Variants in PPM1G observed in about 807,000 individuals in gnomAD.
The protein encoded by PPM1G is protein phosphatase, Mg2+/Mn2+ dependent 1G, also known as protein phosphatase 1G.
In PPM1G, 12 loss-of-function variants were observed where a neutral mutation model predicts 59.4. The observed-to-expected ratio is 0.20, with a 90% CI of 0.13 to 0.33. The LOEUF (loss-of-function observed/expected upper bound fraction) is 0.33. PPM1G is among the 10% of genes least tolerant of loss of function. PPM1G has a pLI of 1.00. For synonymous variants in PPM1G, 245 were observed against 251.9 expected (o/e 0.97, Z 0.26); for missense variants, 392 against 681.3 (o/e 0.58, Z 4.73).
chr2:27,393,383 G>A lies in PPM1G; in HGVS notation c.121-6225C>T. Reference sequence around the variant, plus strand: ...CGGTCGTCATGCCGGCGACTAAGGAGAGGCGGCGGCAGCGGCAGTGGTGGC... The same window carrying A: ...CGGTCGTCATGCCGGCGACTAAGGAAAGGCGGCGGCAGCGGCAGTGGTGGC... On this transcript the variant is annotated intron_variant, in intron 1 of 9. Transcript: ENST00000344034. 8 of 1,503,640 alleles carry A rather than the reference G, an allele frequency of 5.3e-6. No homozygotes were observed. In the South Asian group the frequency reaches 9.1e-5, roughly 17 times the overall value. 93.1% of individuals were successfully genotyped at this position (1,503,640 alleles called of 1,614,324 possible). A position where few individuals can be genotyped will look rare whatever the true frequency, so the allele number is the denominator to read the frequency against.
chr2:27,383,721 G>A lies in PPM1G; in HGVS notation c.967-121C>T, dbSNP rs1255302758. The A allele has an allele frequency of 8.6e-7, 1 of 1,162,872 alleles. No individual in the cohort carries two copies. The highest frequency in any genetic ancestry group is 1.2e-6 in the Non-Finnish European group (1 of 829,620). The allele number at this position is 1,162,872 out of a possible 1,614,324, so 72.0% of individuals were successfully genotyped here. ...ACCCCCAAAAGAGCTTTAACAAACA[G>A]GAGAAGCACACATTTCATCTTTCTA... On this transcript the variant is annotated intron_variant, in intron 6 of 9. Coordinates refer to ENST00000344034, the MANE Select transcript of PPM1G (RefSeq NM_177983.3). This position sits in a 1 kb window ranked among gnomAD's most constrained non-coding sequence, Gnocchi z 5.0.
intron 1 of PPM1G, among the ~76,000 whole-genome samples, chr2:27,404,710 C>T (rs969781618): frequency 2.0e-5 from 3 of 151,584 alleles, no homozygotes; most frequent in Non-Finnish European, 2.9e-5. Context: ...TTTGGGAGGC[C>T]GAGGCGGGCG....
rs1432078305 is a variant in PPM1G, at chr2:27,383,626, T to C, written c.967-26A>G. The stretch of plus-strand genomic sequence containing the variant: ...CTTAAGAGGAAGAAAAGGAGCATCA[T>C]GGGGGCTTCTGAACATGCGTTCCTC... On this transcript the variant is annotated intron_variant, in intron 6 of 9. Coordinates refer to ENST00000344034, the MANE Select transcript of PPM1G (RefSeq NM_177983.3). This position sits in a 1 kb window ranked among gnomAD's most constrained non-coding sequence, Gnocchi z 5.0. 4.4e-6 allele frequency: 7 copies of C among 1,581,758 alleles called. No individual in the cohort carries two copies. The African/African-American group carries it at 6.7e-5, about 15-fold the overall frequency.
chr2:27,409,223 GGAGGACCC>G, intron 1 of PPM1G, 72 bp downstream of exon 1: 1 of 1,487,358 alleles, frequency 6.7e-7, no homozygotes, highest in Admixed American at 2.3e-5. Flanking sequence ...CCTTCCCAGG[GGAGGACCC>G]CATCCCCCGC....
At position 27,385,496 on chromosome 2, in the gene PPM1G, C is replaced by A; in HGVS notation, c.409+251G>T. On this transcript the variant is annotated intron_variant, in intron 4 of 9. Coordinates refer to ENST00000344034, the MANE Select transcript of PPM1G (RefSeq NM_177983.3). This position sits in a 1 kb window ranked among gnomAD's most constrained non-coding sequence, Gnocchi z 4.1. ...AAAAGCACATAAATACTAGCAGGAACCAGGAAGACCCCATCACAATGACAA... is the reference window on the plus strand; with the variant it reads ...AAAAGCACATAAATACTAGCAGGAAACAGGAAGACCCCATCACAATGACAA... The A allele has an allele frequency of 2.1e-6, 1 of 481,118 alleles. No homozygotes were observed. Among genetic ancestry groups the A allele is most frequent in the South Asian group, 3.8e-5 (1 of 26,638 alleles). 29.8% of individuals were successfully genotyped at this position (481,118 alleles called of 1,614,324 possible).
intron 1 of PPM1G, among the ~76,000 whole-genome samples, chr2:27,400,312 G>A (rs1342406164): frequency 6.6e-6 from 1 of 152,186 alleles, no homozygotes; most frequent in Non-Finnish European, 1.5e-5. Flanking sequence ...TGAGGCAGGA[G>A]AATCGCTTTA....
chr2:27,397,116 G>A (rs1002638689), intron 1 of PPM1G, among the ~76,000 whole-genome samples: 7 of 151,912 alleles, frequency 4.6e-5, no homozygotes, highest in African/African-American at 9.7e-5. Flanking sequence ...TGATTCACCC[G>A]TCTTGGCCCC....
At chr2:27,409,041 G>C (rs1260528789) in intron 1 of PPM1G, among the ~76,000 whole-genome samples, 1 of 152,192 alleles carries the variant, frequency 6.6e-6, no homozygotes. Flanking sequence ...CCAAAGCTCG[G>C]GGAGAGGGCG....
In PPM1G at chr2:27,381,739, T is replaced by C; in HGVS notation, c.1501A>G (p.Ile501Val). 6.2e-7 allele frequency: 1 copy of C among 1,613,860 alleles called. No homozygotes were observed. Among genetic ancestry groups the C allele is most frequent in the Non-Finnish European group, 8.5e-7 (1 of 1,180,018 alleles). The change falls in exon 10 of 10, where the codon ATC becomes GTC. Residue 501 changes from isoleucine to valine, a missense_variant. By Grantham distance (29) the Ile-to-Val change is conservative. Around this residue, in one of 6 missense-constraint regions of PPM1G, gnomAD observed 5 missense variants for 28.8 expected, o/e 0.17. Transcript: ENST00000344034. The part of the protein sequence containing the change: ...DGTGCDNMTC[I>V]IICFKPRNTA... ...TTTCGGGGCTTGAAGCAAATGATGA[T>C]GCAGGTCATGTTGTCACACCCTGTA...
Position 27,381,507 on chromosome 2 carries a change from C to T in PPM1G, c.*92G>A. ...CCAGCTCCCCCTGCACACCTCATAC[C>T]CACTGCTAAGGCTAAAGGAAAAAGA... On this transcript the variant is annotated 3_prime_UTR_variant, in exon 10 of 10. Coordinates refer to ENST00000344034, the MANE Select transcript of PPM1G (RefSeq NM_177983.3). The T allele has an allele frequency of 6.8e-7, 1 of 1,462,534 alleles. No individual in the cohort carries two copies. The highest frequency in any genetic ancestry group is 9.5e-7 in the Non-Finnish European group (1 of 1,048,930). The allele number at this position is 1,462,534 out of a possible 1,614,324, so 90.6% of individuals were successfully genotyped here. A position where few individuals can be genotyped will look rare whatever the true frequency, so the allele number is the denominator to read the frequency against.
chr2:27,386,313 C>G, intron 2 of PPM1G, 34 bp from the exon 3 acceptor site: 1 of 1,412,898 alleles, frequency 7.1e-7, no homozygotes, highest in Non-Finnish European at 1.0e-6. Flanking sequence ...ACCTGGAGCA[C>G]TGCTCCCCAC....
In PPM1G at chr2:27,403,395, G is replaced by A. The variant is rs376691678; in HGVS notation, c.120+5908C>T. 1.3e-3 allele frequency among the ~76,000 whole-genome samples: 196 copies of A among 151,626 alleles called. 3 individuals are homozygous for A. The highest frequency in any genetic ancestry group is 0.01 in the Middle Eastern group (3 of 290). ...CAGGAGGCAGAAGCTGCAGTGAGCC[G>A]AGATGGCACCATTGCACTCCAGCCT... On this transcript the variant is annotated intron_variant, in intron 1 of 9. Coordinates refer to ENST00000344034, the MANE Select transcript of PPM1G (RefSeq NM_177983.3).
chr2:27,406,966 CTT>C (rs201901048), intron 1 of PPM1G, among the ~76,000 whole-genome samples: 48 of 137,258 alleles, frequency 3.5e-4, no homozygotes, highest in Admixed American at 5.1e-4. Flanking sequence ...TTTATTTATT[CTT>C]TTTTTTTTTT....
At chr2:27,407,699 A>AT (rs1663414755) in intron 1 of PPM1G, among the ~76,000 whole-genome samples, 1 of 152,178 alleles carries the variant, frequency 6.6e-6, no homozygotes, top group African/African-American at 2.4e-5. Context: ...GATCCTACAA[A>AT]TTCTTTCCAC....
chr2:27,407,236 G>A (rs1663405051), intron 1 of PPM1G, among the ~76,000 whole-genome samples: 1 of 151,874 alleles, frequency 6.6e-6, no homozygotes, highest in African/African-American at 2.4e-5. Flanking sequence ...AAAGTGTTAG[G>A]ATTACAGGCA....
In PPM1G at chr2:27,381,379, C is replaced by A; in HGVS notation, c.*220G>T. ...ACACAACAGAGCACAGGCACAGAAC[C>A]GGTGATGAGCCCGAGGAGCAGAGGC... On this transcript the variant is annotated 3_prime_UTR_variant, in exon 10 of 10. Transcript: ENST00000344034. 1 of 587,230 alleles carries A rather than the reference C, an allele frequency of 1.7e-6. No homozygotes were observed. Among genetic ancestry groups the A allele is most frequent in the Non-Finnish European group, 3.0e-6 (1 of 328,172 alleles). The allele number at this position is 587,230 out of a possible 1,614,324, so 36.4% of individuals were successfully genotyped here. A position where few individuals can be genotyped will look rare whatever the true frequency, so the allele number is the denominator to read the frequency against.
intron 1 of PPM1G, among the ~76,000 whole-genome samples, chr2:27,399,657 T>C (rs1457260789): frequency 2.6e-5 from 4 of 152,136 alleles, no homozygotes; most frequent in Non-Finnish European, 5.9e-5. Context: ...CATTTAGCCA[T>C]CAGAGAAATA....
At chr2:27,409,261 C>A (rs1157181156) in intron 1 of PPM1G, 42 bp downstream of exon 1, 6 of 1,538,518 alleles carry the variant, frequency 3.9e-6, no homozygotes, top group Non-Finnish European at 5.2e-6. Flanking sequence ...CCGTCAGATT[C>A]CCGCCCCGCA....
At chr2:27,386,074 A>G in intron 3 of PPM1G, 120 bp downstream of exon 3, 1 of 1,248,164 alleles carries the variant, frequency 8.0e-7, no homozygotes, top group South Asian at 1.4e-5. Context: ...TAGGAACAGA[A>G]TTCTTCAAGA....
Sources: allele counts gnomAD v4.1 joint callset (sites outside exome capture counted in the v4.1 genomes callset), GRCh38; gene constraint gnomAD v4.1.1; regional missense constraint gnomAD v4.1.1; non-coding constraint Gnocchi (gnomAD v3.1); transcripts MANE v1.5; gene names NCBI Gene and HGNC (gene_info 2026-07-23, HGNC 2026-07-21).